PDE1A: variants seen among roughly 807,000 people sequenced by gnomAD.
PDE1A encodes phosphodiesterase 1A.
A neutral mutation model predicts 61.7 loss-of-function variants in PDE1A; 35 were observed. The ratio of observed to expected loss-of-function variants is 0.57; its 90% CI spans 0.43 to 0.75. The LOEUF is 0.75. Ranked by LOEUF, PDE1A falls within the 30% of genes least tolerant of loss-of-function variation. The probability of loss-of-function intolerance (pLI) is 0.00; values close to 1 mark genes in which losing one functional copy is unlikely to be tolerated. For missense variants in PDE1A, 597 were observed against 630.6 expected (o/e 0.95, Z 0.57); for synonymous variants, 232 against 213.2 (o/e 1.09, Z -0.77).
In PDE1A at chr2:182,192,133, T is replaced by G. The variant is rs569591502; in HGVS notation, c.1126-3073A>C. On this transcript the variant is annotated intron_variant, in intron 10 of 13. Transcript: ENST00000351439. ...CAGCCTCCCAGAGTGCTAGGATTAC[T>G]GGCGTGAGCCACTGTGCCCAGCCAC... 5.3e-5 allele frequency among the ~76,000 whole-genome samples: 8 copies of G among 152,156 alleles called. No homozygotes were observed. The South Asian group carries it at 1.7e-3, about 32-fold the overall frequency.
At chr2:182,676,745 C>A in the PDE1A span, among the ~76,000 whole-genome samples, 7 of 152,152 alleles carry the variant, frequency 4.6e-5, no homozygotes, top group African/African-American at 1.7e-4. Context: ...CCCCAAGATG[C>A]AAGGTTGGTT....
At chr2:182,487,350 T>G (rs1377563769) in intron 2 of PDE1A, among the ~76,000 whole-genome samples, 1 of 152,178 alleles carries the variant, frequency 6.6e-6, no homozygotes, top group Admixed American at 6.5e-5. Context: ...TCTGGAAGAT[T>G]AGCAGCTTAC....
At chr2:182,476,130 T>C (rs1687346611) in intron 2 of PDE1A, among the ~76,000 whole-genome samples, 2 of 151,948 alleles carry the variant, frequency 1.3e-5, no homozygotes, top group East Asian at 3.9e-4. Flanking sequence ...AGGTGAAATA[T>C]CACAACAATA....
At chr2:182,198,585 G>A (rs1057072873) in intron 10 of PDE1A, among the ~76,000 whole-genome samples, 1 of 151,562 alleles carries the variant, frequency 6.6e-6, no homozygotes, top group Non-Finnish European at 1.5e-5. Context: ...CATATCTATA[G>A]GGTTGATAAT....
chr2:182,177,821 T>C (rs1181825875), intron 13 of PDE1A, among the ~76,000 whole-genome samples: 3 of 152,162 alleles, frequency 2.0e-5, no homozygotes, highest in Non-Finnish European at 2.9e-5. Context: ...TCAATGGATA[T>C]AAAATTATGG....
At chr2:182,647,615 A>G in the PDE1A span, among the ~76,000 whole-genome samples, 2 of 152,170 alleles carry the variant, frequency 1.3e-5, no homozygotes, top group Non-Finnish European at 2.9e-5. Context: ...AGGAAAAGAC[A>G]TATCACCTTT....
At chr2:182,409,664 T>C (rs529554981) in intron 1 of PDE1A, among the ~76,000 whole-genome samples, 4 of 152,306 alleles carry the variant, frequency 2.6e-5, no homozygotes, top group East Asian at 1.9e-4. Context: ...TTCATAGCAA[T>C]TGAATGAATG....
the PDE1A span, among the ~76,000 whole-genome samples, chr2:182,618,422 AACT>A: frequency 6.6e-6 from 1 of 152,216 alleles, no homozygotes; most frequent in Non-Finnish European, 1.5e-5. Context: ...CCTTAGGATG[AACT>A]CGTTATAGTA....
At chr2:182,600,738 C>A in the PDE1A span, among the ~76,000 whole-genome samples, 1 of 152,122 alleles carries the variant, frequency 6.6e-6, no homozygotes, top group Non-Finnish European at 1.5e-5. Context: ...AAAATATATA[C>A]AATGTTTTTA....
chr2:182,560,001 G>T, the PDE1A span, among the ~76,000 whole-genome samples: 1 of 151,816 alleles, frequency 6.6e-6, no homozygotes, highest in Non-Finnish European at 1.5e-5. Context: ...GTTTGTGGGG[G>T]AAGAGAAGCA....
chr2:182,287,001 G>T (rs1320534864), intron 1 of PDE1A, among the ~76,000 whole-genome samples: 1 of 151,928 alleles, frequency 6.6e-6, no homozygotes, highest in African/African-American at 2.4e-5. Flanking sequence ...TTTCAGTAGG[G>T]CATTGACTAA....
chr2:182,514,925 A>G (rs12622605), intron 2 of PDE1A, among the ~76,000 whole-genome samples: 52,988 of 151,646 alleles, frequency 0.35, 9,697 homozygotes, highest in Middle Eastern at 0.44. Context: ...GGTTAAGTTG[A>G]ATTCACAGGA....
chr2:182,555,527 A>C, the PDE1A span, among the ~76,000 whole-genome samples: 1 of 152,230 alleles, frequency 6.6e-6, no homozygotes, highest in Non-Finnish European at 1.5e-5. Context: ...CTTAAAAATC[A>C]CATAACCCTT....
At chr2:182,378,955 C>G (rs536102314) in intron 1 of PDE1A, among the ~76,000 whole-genome samples, 22 of 152,264 alleles carry the variant, frequency 1.4e-4, no homozygotes, top group African/African-American at 5.3e-4. Flanking sequence ...CTAAACATAG[C>G]ATTTGTTCAG....
chr2:182,441,862 C>G (rs1684818750), intron 2 of PDE1A, among the ~76,000 whole-genome samples: 1 of 151,932 alleles, frequency 6.6e-6, no homozygotes, highest in South Asian at 2.1e-4. Flanking sequence ...TGTTTTATGT[C>G]TTATTGCCCA....
chr2:182,408,168 T>C (rs1174004460), intron 1 of PDE1A, among the ~76,000 whole-genome samples: 1 of 100,102 alleles, frequency 1.0e-5, no homozygotes, highest in Non-Finnish European at 2.0e-5. Flanking sequence ...AATTATTTTT[T>C]AAAAGTATCT....
chr2:182,172,967 T>C (rs1692376990), intron 13 of PDE1A, among the ~76,000 whole-genome samples: 1 of 152,012 alleles, frequency 6.6e-6, no homozygotes, highest in Non-Finnish European at 1.5e-5. Context: ...TACAACAGTA[T>C]GAACCAAGAT....
intron 1 of PDE1A, among the ~76,000 whole-genome samples, chr2:182,354,670 G>T (rs1200541171): frequency 1.3e-5 from 2 of 152,108 alleles, no homozygotes; most frequent in Non-Finnish European, 1.5e-5. Flanking sequence ...TCAGGTTTTT[G>T]ATGGATAAAG....
chr2:182,598,050 T>A, the PDE1A span, among the ~76,000 whole-genome samples: 1 of 152,212 alleles, frequency 6.6e-6, no homozygotes, highest in African/African-American at 2.4e-5. Context: ...CAATGCAAAA[T>A]TACTGCAATC....
Sources: allele counts gnomAD v4.1 joint callset (sites outside exome capture counted in the v4.1 genomes callset), GRCh38; gene constraint gnomAD v4.1.1; transcripts MANE v1.5; gene names NCBI Gene and HGNC (gene_info 2026-07-23, HGNC 2026-07-21).